The following MAU2 variants were observed in gnomAD, a reference collection of about 807,000 sequenced individuals.
MAU2 encodes MAU2 chromatid cohesion factor homolog.
A neutral mutation model predicts 89.1 loss-of-function variants in MAU2; 9 were observed. The observed-to-expected ratio is 0.10, with a 90% confidence interval of 0.06 to 0.18. The LOEUF (loss-of-function observed/expected upper bound fraction) is 0.18, where lower values mean the gene tolerates loss of function less well. Among genes scored for constraint, MAU2 ranks in the 10% least tolerant of loss-of-function variants. The pLI is 1.00. For missense variants in MAU2, 425 were observed against 803.5 expected (o/e 0.53, Z 5.69); for synonymous variants, 357 against 343.4 (o/e 1.04, Z -0.44).
At chr19:19,342,888 C>T (rs1344446733) in intron 9 of MAU2, 22 bp downstream of exon 9, 2 of 1,611,676 alleles carry the variant, frequency 1.2e-6, no homozygotes, top group African/African-American at 1.3e-5. Flanking sequence ...GCTCGGCTGG[C>T]CACATGGCCA....
At chr19:19,347,671 T>C (rs2061705007) in intron 13 of MAU2, 1 of 248,928 alleles carries the variant, frequency 4.0e-6, no homozygotes, top group Admixed American at 5.2e-5. Context: ...TGCTCTAGGA[T>C]GTCGGCCAGG....
chr19:19,347,408 CTCT>C, intron 13 of MAU2, 42 bp downstream of exon 13: 1 of 1,519,812 alleles, frequency 6.6e-7, no homozygotes. Flanking sequence ...TCTCTCTGTT[CTCT>C]TCTTTTTGGG....
intron 16 of MAU2, among the ~76,000 whole-genome samples, chr19:19,351,539 G>A (rs1350370922): frequency 2.6e-5 from 4 of 151,872 alleles, no homozygotes; most frequent in Non-Finnish European, 5.9e-5. Flanking sequence ...AATTAGCTGG[G>A]TGTGTGGACT....
chr19:19,355,087 C>T (rs973619854), intron 17 of MAU2, 177 bp from the exon 18 acceptor site: 13 of 761,506 alleles, frequency 1.7e-5, no homozygotes, highest in South Asian at 1.1e-4. Context: ...CCTATGAGGG[C>T]GGCTGGCGCA....
chr19:19,348,411 G>A (rs2061713097), intron 13 of MAU2: 1 of 219,474 alleles, frequency 4.6e-6, no homozygotes, highest in South Asian at 5.8e-5. Context: ...GATGCCATAC[G>A]TGGGCTCGCA....
At chr19:19,344,307 G>A (rs575339163) in intron 10 of MAU2, 4 of 271,508 alleles carry the variant, frequency 1.5e-5, no homozygotes, top group Admixed American at 4.9e-5. Context: ...AGTTACTTGA[G>A]AGGCTGAGGC....
At chr19:19,330,514 G>T (rs1267296082) in intron 1 of MAU2, among the ~76,000 whole-genome samples, 2 of 152,192 alleles carry the variant, frequency 1.3e-5, no homozygotes, top group Admixed American at 6.5e-5. Context: ...GCCAAGGCGG[G>T]TGCATCACCT....
rs570793389 is a variant in MAU2 at position 19,320,839 on chromosome 19, C to T, written c.-21C>T. ...TGCTTCCGCCTCCCTGTGGCGGCGG[C>T]TTGTTGTTGTGGAGGCCAAAATGGC... On this transcript the variant is annotated 5_prime_UTR_variant, in exon 1 of 19. Transcript: ENST00000262815. The T allele has an allele frequency of 1.2e-4, 184 of 1,502,062 alleles. No individual in the cohort carries two copies. Among genetic ancestry groups the T allele is most frequent in the South Asian group, 2.8e-4 (21 of 74,388 alleles). The allele number at this position is 1,502,062 out of a possible 1,614,324, so 93.0% of individuals were successfully genotyped here.
intron 1 of MAU2, among the ~76,000 whole-genome samples, chr19:19,333,838 C>T (rs1156350488): frequency 6.6e-6 from 1 of 152,230 alleles, no homozygotes; most frequent in Admixed American, 6.5e-5. Flanking sequence ...GCCAGGTTTG[C>T]ACCTTGCTCA....
chr19:19,348,769 C>A, intron 13 of MAU2, 120 bp from the exon 14 acceptor site: 1 of 1,093,954 alleles, frequency 9.1e-7, no homozygotes, highest in Non-Finnish European at 1.4e-6. Context: ...TCACCAGGCT[C>A]AGCCTGGAGG....
chr19:19,332,542 A>G (rs2061564279), intron 1 of MAU2, among the ~76,000 whole-genome samples: 1 of 151,992 alleles, frequency 6.6e-6, no homozygotes, highest in Non-Finnish European at 1.5e-5. Flanking sequence ...CCACACCTTG[A>G]ACCCAATCCT....
intron 6 of MAU2, 41 bp downstream of exon 6, chr19:19,340,914 T>C: frequency 6.2e-7 from 1 of 1,611,718 alleles, no homozygotes; most frequent in Non-Finnish European, 8.5e-7. Context: ...GCTGGTGTTG[T>C]GGAGGTGAGG....
chr19:19,341,805 A>T (rs1316181377), intron 7 of MAU2, among the ~76,000 whole-genome samples: 1 of 152,074 alleles, frequency 6.6e-6, no homozygotes, highest in East Asian at 1.9e-4. Context: ...GTAGGGACTG[A>T]TGTGCTCAGC....
chr19:19,351,584 G>T (rs1007205583), intron 16 of MAU2, among the ~76,000 whole-genome samples: 2 of 151,938 alleles, frequency 1.3e-5, no homozygotes, highest in Non-Finnish European at 2.9e-5. Flanking sequence ...GGAGGCTGAG[G>T]TGGGAGGATC....
At chr19:19,329,772 A>G (rs2061539767) in intron 1 of MAU2, among the ~76,000 whole-genome samples, 1 of 151,630 alleles carries the variant, frequency 6.6e-6, no homozygotes, top group Non-Finnish European at 1.5e-5. Context: ...AGCCTGGGCA[A>G]CATAGCCAGA....
intron 5 of MAU2, 61 bp downstream of exon 5, chr19:19,339,000 G>C (rs2061619033): frequency 1.5e-6 from 2 of 1,336,120 alleles, no homozygotes; most frequent in Non-Finnish European, 2.1e-6. Context: ...TGGCCATCTT[G>C]GTCCAGGACA....
At chr19:19,326,716 A>ACACATATATATATGTGTATATATATC (rs1380736275) in intron 1 of MAU2, among the ~76,000 whole-genome samples, 1 of 118,488 alleles carries the variant, frequency 8.4e-6, no homozygotes, top group Non-Finnish European at 1.8e-5. Context: ...ATATATATAT[A>ACACATATATATATGTGTATATATATC]TATACATATA....
At chr19:19,346,647 T>A (rs1229767129) in intron 12 of MAU2, among the ~76,000 whole-genome samples, 2 of 152,144 alleles carry the variant, frequency 1.3e-5, no homozygotes, top group Non-Finnish European at 2.9e-5. Context: ...TCACTCCACC[T>A]CTTGCCCAGC....
Position 19,342,660 on chromosome 19 carries a change from CAT to C in MAU2, c.862_863del (p.Met288ValfsTer144). 6.2e-7 allele frequency: 1 copy of C among 1,613,166 alleles called. No homozygotes were observed. Among genetic ancestry groups the C allele is most frequent in the Non-Finnish European group, 8.5e-7 (1 of 1,179,596 alleles). On this transcript the variant is annotated frameshift_variant, in exon 8 of 19. Transcript: ENST00000262815. LOFTEE classifies it high-confidence loss of function. ...DLFHWLPKEHMCVLVYLVTVM... is the reference protein window; with the variant it reads ...DLFHWLPKEHXCVLVYLVTVM... ...TCTTCCACTGGCTGCCCAAGGAGCA[CAT>C]GTGTGTGCTTGTCTACCTGGTGCGT...
Sources: gnomAD v4.1 joint callset for allele counts (sites outside exome capture counted in the v4.1 genomes callset) on GRCh38, gnomAD v4.1.1 for gene constraint, MANE v1.5 for transcripts, NCBI Gene and HGNC (gene_info 2026-07-23, HGNC 2026-07-21) for gene names.